Variants in SEMA5A observed in about 807,000 individuals in gnomAD.
The protein encoded by SEMA5A is semaphorin-5A.
In SEMA5A, 55 loss-of-function variants were observed where a neutral mutation model predicts 135.5. That is an observed-to-expected ratio of 0.41 (90% confidence interval 0.33 to 0.51). The LOEUF is 0.51. Ranked by LOEUF, SEMA5A falls within the 20% of genes least tolerant of loss-of-function variation. The pLI is 0.37. For missense variants in SEMA5A, 1,290 were observed against 1,419.9 expected (o/e 0.91, Z 1.47); for synonymous variants, 580 against 546.5 (o/e 1.06, Z -0.85).
At chr5:9,167,797 T>C (rs1003071884) in intron 11 of SEMA5A, among the ~76,000 whole-genome samples, 32 of 152,214 alleles carry the variant, frequency 2.1e-4, no homozygotes, top group Non-Finnish European at 1.6e-4. Flanking sequence ...TAAGCTTTCC[T>C]TGGTGTGATA....
chr5:9,182,149 G>GCC (rs766612426), intron 11 of SEMA5A, among the ~76,000 whole-genome samples: 1,674 of 122,152 alleles, frequency 0.014, 61 homozygotes, highest in African/African-American at 0.046. Context: ...TATTGCTTCT[G>GCC]CCCCCCACCC....
At chr5:9,230,284 G>A (rs1474583785) in intron 6 of SEMA5A, among the ~76,000 whole-genome samples, 1 of 150,624 alleles carries the variant, frequency 6.6e-6, no homozygotes, top group African/African-American at 2.4e-5. Context: ...GCAGGCATGA[G>A]CCACAGTGCC....
At chr5:9,247,350 T>C in intron 5 of SEMA5A, among the ~76,000 whole-genome samples, 1 of 152,176 alleles carries the variant, frequency 6.6e-6, no homozygotes. Flanking sequence ...GTCAGCCTAA[T>C]AGCCAATATT....
chr5:9,299,052 G>C (rs928227165), intron 5 of SEMA5A, among the ~76,000 whole-genome samples: 3 of 152,164 alleles, frequency 2.0e-5, no homozygotes, highest in Non-Finnish European at 4.4e-5. Context: ...GCCATTAAAA[G>C]CAGAGTGAGT....
At chr5:9,505,643 T>C (rs956391993) in intron 1 of SEMA5A, among the ~76,000 whole-genome samples, 1 of 152,132 alleles carries the variant, frequency 6.6e-6, no homozygotes, top group Non-Finnish European at 1.5e-5. Flanking sequence ...AACCCAAACA[T>C]AGTCACCCCA....
intron 13 of SEMA5A, among the ~76,000 whole-genome samples, chr5:9,123,743 A>G (rs971014160): frequency 6.6e-6 from 1 of 152,214 alleles, no homozygotes; most frequent in Non-Finnish European, 1.5e-5. Flanking sequence ...AAGAGTATCT[A>G]TTAAGCAGCT....
chr5:9,407,066 G>A (rs1413302495), intron 2 of SEMA5A, among the ~76,000 whole-genome samples: 1 of 152,178 alleles, frequency 6.6e-6, no homozygotes, highest in Non-Finnish European at 1.5e-5. Context: ...GGTATTGCCT[G>A]CTGCTTTTCA....
chr5:9,236,853 G>A (rs1442787183), intron 6 of SEMA5A, among the ~76,000 whole-genome samples: 1 of 152,050 alleles, frequency 6.6e-6, no homozygotes, highest in Non-Finnish European at 1.5e-5. Context: ...GCTGACACTT[G>A]CCTCAGTGTC....
chr5:9,066,873 A>C (rs892193483), intron 16 of SEMA5A, among the ~76,000 whole-genome samples: 1 of 152,192 alleles, frequency 6.6e-6, no homozygotes, highest in African/African-American at 2.4e-5. Context: ...CTCCTGTGTA[A>C]ACAATGGGAA....
rs77204181 is a variant in SEMA5A, at chr5:9,063,029, C to G, written c.2376G>C (p.Ser792=). Residue 792 remains serine (S), a synonymous_variant, in exon 18 of 23, where the codon TCG becomes TCC. Transcript: ENST00000382496. The stretch of plus-strand genomic sequence containing the variant: ...TGCAGTCACGGCTGCACTGTGACCA[C>G]GACGTCCAGGCTGACCAAGCCCCGT... The part of the protein sequence containing the change: ...TVNGAWSAWT[S]WSQCSRDCSR... 4 of 1,614,220 alleles carry G rather than the reference C, an allele frequency of 2.5e-6. No individual in the cohort carries two copies. The East Asian group carries it at 8.9e-5, about 36-fold the overall frequency.
intron 2 of SEMA5A, among the ~76,000 whole-genome samples, chr5:9,386,085 C>T (rs982961714): frequency 6.6e-6 from 1 of 152,134 alleles, no homozygotes; most frequent in African/African-American, 2.4e-5. Context: ...CAGGCATGAG[C>T]CATCACGCCC....
At chr5:9,225,027 A>G (rs922390895) in intron 7 of SEMA5A, 140 bp from the exon 8 acceptor site, 2 of 664,906 alleles carry the variant, frequency 3.0e-6, no homozygotes, top group Non-Finnish European at 5.1e-6. Flanking sequence ...ACCAACTTTT[A>G]CATTCCAACT....
At chr5:9,188,695 T>C (rs1744934808) in intron 11 of SEMA5A, among the ~76,000 whole-genome samples, 1 of 152,202 alleles carries the variant, frequency 6.6e-6, no homozygotes, top group Non-Finnish European at 1.5e-5. Flanking sequence ...GTCCAGTTCA[T>C]TCATCCCACA....
intron 13 of SEMA5A, among the ~76,000 whole-genome samples, chr5:9,125,337 T>C (rs1208465070): frequency 6.6e-6 from 1 of 152,216 alleles, no homozygotes; most frequent in Non-Finnish European, 1.5e-5. Context: ...TTTCTTTTTG[T>C]AAATTTTACT....
intron 3 of SEMA5A, among the ~76,000 whole-genome samples, chr5:9,362,135 A>C (rs1210753223): frequency 2.4e-4 from 37 of 151,964 alleles, no homozygotes. Context: ...TTCCTTTTGC[A>C]GGTAGAACAG....
Position 9,204,699 on chromosome 5 carries a change from T to C in SEMA5A, c.647-2459A>G, listed in dbSNP as rs1745913524. 6.6e-6 allele frequency among the ~76,000 whole-genome samples: 1 copy of C among 152,144 alleles called. No individual in the cohort carries two copies. Among genetic ancestry groups the C allele is most frequent in the African/African-American group, 2.4e-5 (1 of 41,432 alleles). ...AGCAGTGGGGGATGGGGATGGAAAG[T>C]CCTGAATCCATTAGACCGGGGGTCA... On this transcript the variant is annotated intron_variant, in intron 8 of 22. Coordinates refer to ENST00000382496, the MANE Select transcript of SEMA5A (RefSeq NM_003966.3). This position sits in a 1 kb window ranked among gnomAD's most constrained non-coding sequence, Gnocchi z 6.4.
intron 21 of SEMA5A, among the ~76,000 whole-genome samples, chr5:9,046,358 C>T (rs1320929014): frequency 6.6e-6 from 1 of 152,208 alleles, no homozygotes; most frequent in East Asian, 1.9e-4. Flanking sequence ...ATGAGAAGAG[C>T]CTGGGTGCAT....
intron 2 of SEMA5A, among the ~76,000 whole-genome samples, chr5:9,396,247 C>CACACAG (rs1491314220): frequency 1.7e-4 from 1 of 5,828 alleles, no homozygotes; most frequent in Admixed American, 1.9e-3. Flanking sequence ...CGCGTGCGTG[C>CACACAG]ACACACACAC....
intron 5 of SEMA5A, among the ~76,000 whole-genome samples, chr5:9,263,169 G>A (rs1749495382): frequency 6.6e-6 from 1 of 152,032 alleles, no homozygotes; most frequent in African/African-American, 2.4e-5. Flanking sequence ...TTGAGAATTT[G>A]TTATCATTGA....
Sources: gnomAD v4.1 joint callset for allele counts (sites outside exome capture counted in the v4.1 genomes callset) on GRCh38, gnomAD v4.1.1 for gene constraint, Gnocchi (gnomAD v3.1) non-coding constraint, MANE v1.5 for transcripts, NCBI Gene and HGNC (gene_info 2026-07-23, HGNC 2026-07-21) for gene names.